The following FNIP1 variants were observed in gnomAD, a reference collection of about 807,000 sequenced individuals.
FNIP1 encodes the protein folliculin interacting protein 1, also known as folliculin-interacting protein 1.
Under a neutral mutation model 124.5 loss-of-function variants are expected in FNIP1, and 40 were observed. That is an observed-to-expected ratio of 0.32 (90% CI 0.25 to 0.42). The LOEUF (loss-of-function observed/expected upper bound fraction) is 0.42. Ranked by LOEUF, FNIP1 falls within the 10% of genes least tolerant of loss-of-function variation. FNIP1 has a pLI of 1.00. For missense variants in FNIP1, 1,176 were observed against 1,403.7 expected (o/e 0.84, Z 2.59); for synonymous variants, 472 against 470.6 (o/e 1.00, Z -0.04).
chr5:131,709,069 C>A, intron 8 of FNIP1, 132 bp downstream of exon 8: 2 of 701,580 alleles, frequency 2.9e-6, no homozygotes, highest in Non-Finnish European at 4.9e-6. Context: ...AGACTTTGCT[C>A]TGGTCTTTTC....
intron 1 of FNIP1, among the ~76,000 whole-genome samples, chr5:131,777,251 T>C (rs566677834): frequency 1.3e-5 from 2 of 152,090 alleles, no homozygotes; most frequent in Admixed American, 6.5e-5. Flanking sequence ...AATTGGAACT[T>C]TCAGTTAACT....
Position 131,698,908 on chromosome 5 carries a change from A to C in FNIP1, c.1202+9T>G. 1.3e-6 allele frequency: 2 copies of C among 1,598,582 alleles called. No individual in the cohort carries two copies. Among genetic ancestry groups the C allele is most frequent in the South Asian group, 2.3e-5 (2 of 87,996 alleles). ...ATTACTGCATTATGGAAAGCTGGGC[A>C]ATATGTACCTGAATTCATTTAGGGC... is the stretch of plus-strand genomic sequence containing the variant. On this transcript the variant is annotated intron_variant, in intron 11 of 17. Transcript: ENST00000510461.
intron 13 of FNIP1, among the ~76,000 whole-genome samples, chr5:131,675,237 C>A (rs1296627839): frequency 3.9e-5 from 6 of 152,216 alleles, no homozygotes; most frequent in Non-Finnish European, 8.8e-5. Context: ...ACCTAAGCAT[C>A]CTCACTTGGA....
At chr5:131,729,825 A>C (rs534576820) in intron 3 of FNIP1, among the ~76,000 whole-genome samples, 1 of 151,984 alleles carries the variant, frequency 6.6e-6, no homozygotes, top group Non-Finnish European at 1.5e-5. Flanking sequence ...GGGTCACCAC[A>C]ACATCCGCCT....
intron 1 of FNIP1, among the ~76,000 whole-genome samples, chr5:131,790,942 A>G (rs1296850463): frequency 1.3e-5 from 2 of 152,260 alleles, no homozygotes; most frequent in Non-Finnish European, 2.9e-5. Flanking sequence ...GAAGAAAGCA[A>G]GAAGTTATCA....
chr5:131,650,476 C>G (rs1019447272), intron 16 of FNIP1, among the ~76,000 whole-genome samples: 1 of 152,128 alleles, frequency 6.6e-6, no homozygotes, highest in Non-Finnish European at 1.5e-5. Context: ...TTGTATTATG[C>G]AAATCTGCTT....
chr5:131,663,695 T>C (rs963167380), intron 15 of FNIP1, among the ~76,000 whole-genome samples: 1 of 152,220 alleles, frequency 6.6e-6, no homozygotes, highest in African/African-American at 2.4e-5. Context: ...AGGTAAGGCC[T>C]GGAGACATAT....
intron 1 of FNIP1, among the ~76,000 whole-genome samples, chr5:131,760,896 A>AAGAG (rs1323910561): frequency 1.4e-5 from 2 of 140,452 alleles, no homozygotes; most frequent in South Asian, 5.3e-4. Flanking sequence ...GAAGGAAGGA[A>AAGAG]AGAGGGAGGG....
chr5:131,760,575 T>C (rs1240564192), intron 1 of FNIP1, among the ~76,000 whole-genome samples: 1 of 152,162 alleles, frequency 6.6e-6, no homozygotes, highest in Non-Finnish European at 1.5e-5. Context: ...AGTATACTTA[T>C]CAAACATGAA....
chr5:131,783,846 T>C (rs955252771), intron 1 of FNIP1, among the ~76,000 whole-genome samples: 3 of 151,976 alleles, frequency 2.0e-5, no homozygotes, highest in African/African-American at 4.8e-5. Flanking sequence ...CAACCAAGCA[T>C]AAAGATAGAA....
chr5:131,652,046 C>T, intron 15 of FNIP1, 47 bp from the exon 16 acceptor site: 1 of 1,552,164 alleles, frequency 6.4e-7, no homozygotes, highest in Non-Finnish European at 8.7e-7. Flanking sequence ...AATGAAGTTT[C>T]CAAAGATAAT....
intron 6 of FNIP1, among the ~76,000 whole-genome samples, chr5:131,713,549 T>C (rs1440912637): frequency 6.6e-6 from 1 of 151,766 alleles, no homozygotes; most frequent in African/African-American, 2.4e-5. Context: ...TCCATTTTTA[T>C]GTTAAAGAGA....
intron 1 of FNIP1, among the ~76,000 whole-genome samples, chr5:131,747,807 T>C (rs1035915896): frequency 1.3e-5 from 2 of 152,122 alleles, no homozygotes; most frequent in African/African-American, 4.8e-5. Context: ...GTGACAGATA[T>C]TCTGCTATTT....
Position 131,757,449 on chromosome 5 carries a change from C to T in FNIP1, c.93-12759G>A, listed in dbSNP as rs531239852. Among the ~76,000 whole-genome samples, 6 of 152,138 alleles carry T rather than the reference C, an allele frequency of 3.9e-5. No individual in the cohort carries two copies. The South Asian group carries it at 1.2e-3, about 32-fold the overall frequency. On this transcript the variant is annotated intron_variant, in intron 1 of 17. Coordinates refer to ENST00000510461, the MANE Select transcript of FNIP1 (RefSeq NM_133372.3). ...ACATGTCAGCCATGGATGCCAATAACAAAATAGAGGAAAGTGTGGTACAAT... is the reference window on the plus strand; with the variant it reads ...ACATGTCAGCCATGGATGCCAATAATAAAATAGAGGAAAGTGTGGTACAAT...
chr5:131,666,396 CA>C (rs1292310867), intron 15 of FNIP1, among the ~76,000 whole-genome samples: 1 of 152,100 alleles, frequency 6.6e-6, no homozygotes, highest in Non-Finnish European at 1.5e-5. Flanking sequence ...GGGGGAAAGA[CA>C]AATAGCTCCT....
intron 11 of FNIP1, among the ~76,000 whole-genome samples, chr5:131,698,025 T>C (rs546743024): frequency 2.0e-5 from 3 of 150,320 alleles, no homozygotes; most frequent in Admixed American, 2.0e-4. Context: ...GTGCCACTAA[T>C]GTCAGGCATT....
intron 15 of FNIP1, among the ~76,000 whole-genome samples, chr5:131,665,930 C>T (rs1767591060): frequency 1.5e-5 from 2 of 130,748 alleles, no homozygotes; most frequent in African/African-American, 5.8e-5. Flanking sequence ...GAGACGGAGT[C>T]TCGCTCTGTC....
intron 15 of FNIP1, among the ~76,000 whole-genome samples, chr5:131,668,156 T>A (rs1463743310): frequency 6.6e-6 from 1 of 152,210 alleles, no homozygotes; most frequent in Non-Finnish European, 1.5e-5. Context: ...GCAGAATATA[T>A]ATTCTTTTCA....
chr5:131,788,408 C>T (rs567286244), intron 1 of FNIP1, among the ~76,000 whole-genome samples: 1 of 152,170 alleles, frequency 6.6e-6, no homozygotes, highest in Non-Finnish European at 1.5e-5. Flanking sequence ...GTAGCTCACG[C>T]CTGTAATCCC....
Sources: allele counts gnomAD v4.1 joint callset (sites outside exome capture counted in the v4.1 genomes callset), GRCh38; gene constraint gnomAD v4.1.1; transcripts MANE v1.5; gene names NCBI Gene and HGNC (gene_info 2026-07-23, HGNC 2026-07-21).